The following GRIN2A variants were observed in gnomAD, a reference collection of about 807,000 sequenced individuals.
The protein encoded by GRIN2A is glutamate ionotropic receptor NMDA type subunit 2A, also known as glutamate receptor ionotropic, NMDA 2A.
GRIN2A carries 22 observed loss-of-function variants against 113.4 expected under a neutral mutation model. The ratio of observed to expected loss-of-function variants is 0.19; its 90% confidence interval spans 0.14 to 0.28. The LOEUF (loss-of-function observed/expected upper bound fraction) is 0.28. Among genes scored for constraint, GRIN2A ranks in the 10% least tolerant of loss-of-function variants. GRIN2A has a pLI of 1.00. For missense variants in GRIN2A, 1,502 were observed against 1,887.0 expected (o/e 0.80, Z 3.78); for synonymous variants, 827 against 738.4 (o/e 1.12, Z -1.94).
chr16:10,075,205 A>C (rs10518149), intron 2 of GRIN2A, among the ~76,000 whole-genome samples: 14,459 of 151,916 alleles, frequency 0.095, 767 homozygotes, highest in African/African-American at 0.11. Flanking sequence ...GCACCTAGTA[A>C]ATTTTGGTTG....
At chr16:10,124,181 C>T (rs2048884079) in intron 2 of GRIN2A, among the ~76,000 whole-genome samples, 1 of 152,094 alleles carries the variant, frequency 6.6e-6, no homozygotes, top group South Asian at 2.1e-4. Context: ...GTGTGCGTGC[C>T]CTTGTGTGTT....
At chr16:9,976,979 A>T (rs1359095426) in intron 2 of GRIN2A, among the ~76,000 whole-genome samples, 1 of 152,210 alleles carries the variant, frequency 6.6e-6, no homozygotes, top group Non-Finnish European at 1.5e-5. Context: ...GACCTGAAAC[A>T]GGAGGGCCCA....
chr16:10,058,430 A>T (rs775388521), intron 2 of GRIN2A, among the ~76,000 whole-genome samples: 24 of 152,358 alleles, frequency 1.6e-4, no homozygotes, highest in Non-Finnish European at 2.8e-4. Context: ...AAATCACAAG[A>T]TCTGTGCTGT....
chr16:10,005,000 AT>A (rs1316795237), intron 2 of GRIN2A, among the ~76,000 whole-genome samples: 1 of 152,238 alleles, frequency 6.6e-6, no homozygotes, highest in African/African-American at 2.4e-5. Context: ...ATGCCCATGA[AT>A]TTTATTGAAA....
At chr16:9,783,729 G>A (rs2141188364) in intron 11 of GRIN2A, among the ~76,000 whole-genome samples, 1 of 152,298 alleles carries the variant, frequency 6.6e-6, no homozygotes, top group Admixed American at 6.5e-5. Context: ...GTGATTGGAT[G>A]GCAACTGATA....
intron 2 of GRIN2A, among the ~76,000 whole-genome samples, chr16:10,133,569 T>G (rs2049117435): frequency 6.6e-6 from 1 of 152,122 alleles, no homozygotes; most frequent in South Asian, 2.1e-4. Context: ...ATCATGCCAC[T>G]GCACTCCAGC....
chr16:9,940,059 A>T lies in GRIN2A; in HGVS notation c.415-1508T>A, dbSNP rs373903088. On this transcript the variant is annotated intron_variant, in intron 2 of 12. Transcript: ENST00000330684. The stretch of plus-strand genomic sequence containing the variant: ...GAGAGAGAAAGAGAGAGAGAGAGAG[A>T]GAGTGTGTGTGTGTGTGTGTGTGTG... Among the ~76,000 whole-genome samples, 555 of 145,464 alleles carry T rather than the reference A, an allele frequency of 3.8e-3. 1 individual carries two copies. The highest frequency in any genetic ancestry group is 8.5e-3 in the African/African-American group (326 of 38,562).
chr16:9,989,363 A>G (rs1054453540), intron 2 of GRIN2A, among the ~76,000 whole-genome samples: 10 of 152,196 alleles, frequency 6.6e-5, no homozygotes, highest in African/African-American at 2.4e-4. Flanking sequence ...CTGGACCCCT[A>G]TCTTTTACTA....
chr16:9,827,437 G>T (rs2042406957), intron 9 of GRIN2A, among the ~76,000 whole-genome samples: 1 of 152,200 alleles, frequency 6.6e-6, no homozygotes, highest in Non-Finnish European at 1.5e-5. Flanking sequence ...TGGAGAAGGG[G>T]GAGAAATCAA....
chr16:10,015,220 T>C (rs1228187226), intron 2 of GRIN2A, among the ~76,000 whole-genome samples: 2 of 112,046 alleles, frequency 1.8e-5, no homozygotes, highest in African/African-American at 7.0e-5. Flanking sequence ...ACCACCGCAC[T>C]CCAGCCTGGG....
intron 4 of GRIN2A, among the ~76,000 whole-genome samples, chr16:9,861,525 A>C (rs1356873825): frequency 1.3e-5 from 2 of 152,228 alleles, no homozygotes; most frequent in African/African-American, 4.8e-5. Flanking sequence ...CTTGAAACCA[A>C]AAGCAGATCT....
intron 2 of GRIN2A, among the ~76,000 whole-genome samples, chr16:10,047,257 C>T (rs989652898): frequency 6.6e-6 from 1 of 152,148 alleles, no homozygotes; most frequent in African/African-American, 2.4e-5. Context: ...TATTTGGTAG[C>T]AGATAGATCT....
intron 11 of GRIN2A, among the ~76,000 whole-genome samples, chr16:9,775,274 T>C (rs1901528290): frequency 6.6e-6 from 1 of 151,520 alleles, no homozygotes; most frequent in South Asian, 2.1e-4. Context: ...AAAGAGAGAG[T>C]ATGTGGTTCT....
At chr16:9,836,616 C>T (rs545201452) in intron 7 of GRIN2A, among the ~76,000 whole-genome samples, 5 of 152,136 alleles carry the variant, frequency 3.3e-5, no homozygotes, top group Non-Finnish European at 7.4e-5. Flanking sequence ...GAGCACAGCA[C>T]GGATCAAAGG....
At chr16:10,131,080 C>T (rs940160989) in intron 2 of GRIN2A, among the ~76,000 whole-genome samples, 1 of 152,208 alleles carries the variant, frequency 6.6e-6, no homozygotes, top group Non-Finnish European at 1.5e-5. Context: ...CAAGGCACAT[C>T]CACAAGATTT....
chr16:10,085,183 T>G (rs1214802273), intron 2 of GRIN2A, among the ~76,000 whole-genome samples: 1 of 152,130 alleles, frequency 6.6e-6, no homozygotes, highest in Admixed American at 6.5e-5. Flanking sequence ...AAAGGAGAGC[T>G]TTATTTCTTA....
intron 2 of GRIN2A, among the ~76,000 whole-genome samples, chr16:10,043,143 C>G (rs75541726): frequency 5.9e-5 from 9 of 152,194 alleles, no homozygotes; most frequent in Non-Finnish European, 1.3e-4. Context: ...GTATCTTAGA[C>G]ACTTTTTACA....
At chr16:10,053,304 T>C (rs1439336086) in intron 2 of GRIN2A, among the ~76,000 whole-genome samples, 1 of 152,210 alleles carries the variant, frequency 6.6e-6, no homozygotes, top group Non-Finnish European at 1.5e-5. Context: ...ACCTTAAATG[T>C]CAGGCTAAAA....
intron 2 of GRIN2A, among the ~76,000 whole-genome samples, chr16:9,945,073 C>T (rs1187342872): frequency 6.6e-6 from 1 of 152,122 alleles, no homozygotes; most frequent in Non-Finnish European, 1.5e-5. Flanking sequence ...GTAATCCCAG[C>T]ACTTTGGGAG....
Sources: gnomAD v4.1 joint callset for allele counts (sites outside exome capture counted in the v4.1 genomes callset) on GRCh38, gnomAD v4.1.1 for gene constraint, MANE v1.5 for transcripts, NCBI Gene and HGNC (gene_info 2026-07-23, HGNC 2026-07-21) for gene names.